GFRA2: variants seen among roughly 807,000 people sequenced by gnomAD.
GFRA2 encodes the protein GDNF family receptor alpha 2, also known as GDNF family receptor alpha-2.
In GFRA2, 17 loss-of-function variants were observed where a neutral mutation model predicts 48.3. That is an observed-to-expected ratio of 0.35 (90% confidence interval 0.24 to 0.53). GFRA2 has a LOEUF of 0.53. GFRA2 is among the 20% of genes least tolerant of loss of function. The pLI, the probability that GFRA2 is intolerant of heterozygous loss-of-function variation, is 0.93. For missense variants in GFRA2, 660 were observed against 637.3 expected (o/e 1.04, Z -0.38); for synonymous variants, 305 against 257.2 (o/e 1.19, Z -1.78).
chr8:21,731,661 G>A (rs1402741666), intron 4 of GFRA2, among the ~76,000 whole-genome samples: 1 of 152,038 alleles, frequency 6.6e-6, no homozygotes, highest in Non-Finnish European at 1.5e-5. Context: ...GGCTCCTCGT[G>A]CATACATAAT....
intron 3 of GFRA2, among the ~76,000 whole-genome samples, chr8:21,759,888 C>CAAAA (rs35385607): frequency 2.9e-5 from 3 of 105,130 alleles, no homozygotes; most frequent in Non-Finnish European, 4.1e-5. Context: ...GATTGCGTCT[C>CAAAA]AAAAAAAAAA....
intron 3 of GFRA2, among the ~76,000 whole-genome samples, chr8:21,766,567 C>T (rs925150566): frequency 2.6e-5 from 4 of 151,624 alleles, no homozygotes; most frequent in African/African-American, 9.7e-5. Flanking sequence ...GAACCAAGTG[C>T]AGTCCACACA....
At chr8:21,785,315 A>G (rs1807217349) in intron 1 of GFRA2, among the ~76,000 whole-genome samples, 1 of 152,196 alleles carries the variant, frequency 6.6e-6, no homozygotes, top group South Asian at 2.1e-4. Flanking sequence ...ACGTGTGGCC[A>G]GGCAACAGAC....
Position 21,768,299 on chromosome 8 carries a change from T to A in GFRA2, c.439+6673A>T, listed in dbSNP as rs967625988. Among the ~76,000 whole-genome samples, 5 of 152,358 alleles carry A rather than the reference T, an allele frequency of 3.3e-5. No individual in the cohort carries two copies. In the South Asian group the frequency reaches 1.0e-3, roughly 32 times the overall value. On this transcript the variant is annotated intron_variant, in intron 3 of 8. Transcript: ENST00000524240. The stretch of plus-strand genomic sequence containing the variant: ...ATGTGATTTTGAAATTTAAATAACA[T>A]GCTTCTGCATTCGGCTCAGGGAGAC...
intron 3 of GFRA2, among the ~76,000 whole-genome samples, chr8:21,757,503 A>T: frequency 7.6e-6 from 1 of 131,598 alleles, no homozygotes; most frequent in Non-Finnish European, 1.6e-5. Context: ...AAATTCCTTA[A>T]TCCTTTTTTT....
chr8:21,710,336 C>A (rs944187098), intron 4 of GFRA2, among the ~76,000 whole-genome samples: 2 of 152,224 alleles, frequency 1.3e-5, no homozygotes, highest in Non-Finnish European at 2.9e-5. Flanking sequence ...CTCTGCCTAG[C>A]GCTGTGCCTG....
chr8:21,704,882 T>A, intron 6 of GFRA2, 103 bp downstream of exon 6: 1 of 936,670 alleles, frequency 1.1e-6, no homozygotes, highest in Non-Finnish European at 1.7e-6. Context: ...AAGCCTCATC[T>A]ACATCACCAG....
chr8:21,721,106 A>T (rs1195228687), intron 4 of GFRA2, among the ~76,000 whole-genome samples: 1 of 152,106 alleles, frequency 6.6e-6, no homozygotes, highest in Non-Finnish European at 1.5e-5. Flanking sequence ...TCTAAGCAGC[A>T]GGAGATCTAA....
intron 4 of GFRA2, among the ~76,000 whole-genome samples, chr8:21,722,147 C>T (rs1350479696): frequency 6.6e-6 from 1 of 152,160 alleles, no homozygotes; most frequent in Non-Finnish European, 1.5e-5. Flanking sequence ...TCCCAGAAAC[C>T]ATTCAGAAAT....
intron 4 of GFRA2, among the ~76,000 whole-genome samples, chr8:21,724,549 G>A (rs1468107091): frequency 6.6e-6 from 1 of 152,114 alleles, no homozygotes; most frequent in South Asian, 2.1e-4. Flanking sequence ...CTGCTGGAAG[G>A]CCTTAGACAA....
At chr8:21,706,309 G>C (rs192964973) in intron 4 of GFRA2, 2 of 594,154 alleles carry the variant, frequency 3.4e-6, no homozygotes, top group African/African-American at 1.8e-5. Flanking sequence ...GACCCCTCAA[G>C]GCACAGAAAC....
intron 4 of GFRA2, among the ~76,000 whole-genome samples, chr8:21,723,823 G>A (rs369915207): frequency 5.4e-4 from 83 of 152,340 alleles, no homozygotes; most frequent in African/African-American, 1.9e-3. Context: ...ACAAACTCCA[G>A]TTCCTTCATC....
chr8:21,701,474 A>C (rs973755963), intron 7 of GFRA2, among the ~76,000 whole-genome samples: 5 of 152,236 alleles, frequency 3.3e-5, no homozygotes, highest in Non-Finnish European at 7.3e-5. Context: ...TCTGAGAAGA[A>C]GCCTGGAGAG....
intron 4 of GFRA2, among the ~76,000 whole-genome samples, chr8:21,748,510 C>T (rs997434712): frequency 2.0e-5 from 3 of 152,180 alleles, no homozygotes; most frequent in Admixed American, 2.0e-4. Flanking sequence ...TTCCCAATCT[C>T]CTCTGAAATA....
chr8:21,714,197 G>C (rs1354948518), intron 4 of GFRA2, among the ~76,000 whole-genome samples: 1 of 143,994 alleles, frequency 6.9e-6, no homozygotes. Flanking sequence ...ATAATATTGG[G>C]GATCCCCAAA....
chr8:21,735,659 T>C (rs190999706), intron 4 of GFRA2, among the ~76,000 whole-genome samples: 3 of 152,198 alleles, frequency 2.0e-5, no homozygotes, highest in Admixed American at 2.0e-4. Flanking sequence ...TGCTCATTGT[T>C]GTGTTGTTTT....
At chr8:21,762,821 G>T (rs36159947) in intron 3 of GFRA2, among the ~76,000 whole-genome samples, 63 of 152,208 alleles carry the variant, frequency 4.1e-4, no homozygotes, top group African/African-American at 8.2e-4. Flanking sequence ...TATTTGGGGG[G>T]TTTTTTAATA....
intron 4 of GFRA2, among the ~76,000 whole-genome samples, chr8:21,711,450 G>A (rs193301243): frequency 3.2e-3 from 489 of 152,264 alleles, no homozygotes; most frequent in Non-Finnish European, 5.2e-3. Context: ...GGATCTGTCT[G>A]GAAAACACAA....
At chr8:21,711,341 A>G (rs1019119862) in intron 4 of GFRA2, among the ~76,000 whole-genome samples, 4 of 152,228 alleles carry the variant, frequency 2.6e-5, no homozygotes, top group Non-Finnish European at 5.9e-5. Flanking sequence ...CAGATAGGAA[A>G]AAAACAGAGA....
Sources: gnomAD v4.1 joint callset for allele counts (sites outside exome capture counted in the v4.1 genomes callset) on GRCh38, gnomAD v4.1.1 for gene constraint, MANE v1.5 for transcripts, NCBI Gene and HGNC (gene_info 2026-07-23, HGNC 2026-07-21) for gene names.